Variants in IPO11 observed in about 807,000 individuals in gnomAD.
IPO11 encodes the protein importin 11, also known as importin-11.
Under a neutral mutation model 143.2 loss-of-function variants are expected in IPO11, and 66 were observed. That is an observed-to-expected ratio of 0.46 (90% CI 0.38 to 0.57). The LOEUF (loss-of-function observed/expected upper bound fraction) is 0.57, where lower values mean the gene tolerates loss of function less well. Ranked by LOEUF, IPO11 falls within the 20% of genes least tolerant of loss-of-function variation. The pLI is 0.00. For synonymous variants in IPO11, 385 were observed against 377.8 expected (o/e 1.02, Z -0.22); for missense variants, 1,026 against 1,141.0 (o/e 0.90, Z 1.45).
intron 1 of IPO11, among the ~76,000 whole-genome samples, chr5:62,429,962 T>C (rs970261241): frequency 6.6e-6 from 1 of 152,158 alleles, no homozygotes; most frequent in Non-Finnish European, 1.5e-5. Context: ...TTTCACCATG[T>C]TGGCCAAGCT....
chr5:62,490,535 C>G (rs946234369), intron 15 of IPO11, among the ~76,000 whole-genome samples: 2 of 152,134 alleles, frequency 1.3e-5, no homozygotes, highest in Middle Eastern at 3.4e-3. Context: ...GTAGCCTAAT[C>G]AAAGTAACAT....
chr5:62,497,937 A>T (rs1297675055), intron 16 of IPO11, among the ~76,000 whole-genome samples: 3 of 152,014 alleles, frequency 2.0e-5, no homozygotes, highest in African/African-American at 4.8e-5. Flanking sequence ...TGTCTCTGTC[A>T]TATCCCATGT....
chr5:62,599,643 T>C (rs542823285), intron 28 of IPO11, among the ~76,000 whole-genome samples: 7 of 152,334 alleles, frequency 4.6e-5, no homozygotes, highest in African/African-American at 1.4e-4. Context: ...AAGATTCTTA[T>C]TTAGCAGGCT....
chr5:62,490,176 G>A lies in IPO11; in HGVS notation c.1419G>A (p.Trp473Ter). The A allele has an allele frequency of 6.2e-7, 1 of 1,605,224 alleles. No individual in the cohort carries two copies. Among genetic ancestry groups the A allele is most frequent in the Non-Finnish European group, 8.5e-7 (1 of 1,175,620 alleles). Residue 473 changes from tryptophan to a stop codon, truncating the protein, a stop_gained, in exon 15 of 30, where the codon TGG becomes TGA. Coordinates refer to ENST00000325324, the MANE Select transcript of IPO11 (RefSeq NM_016338.5). LOFTEE classifies it high-confidence loss of function. ...TTGACAGTGTTGATTTTGATCAGTG[G>A]TTTAAAAACCAGCTTCTTCCAGAAT... ...ELFDSVDFDQWFKNQLLPELQ... is the reference protein window; with the variant it reads ...ELFDSVDFDQ
chr5:62,573,313 ACT>A lies in IPO11; in HGVS notation c.2582+12061_2582+12062del, dbSNP rs1310696423. Among the ~76,000 whole-genome samples the A allele has an allele frequency of 1.1e-4, 16 of 152,260 alleles. No homozygotes were observed. The South Asian group carries it at 2.3e-3, about 22-fold the overall frequency. On this transcript the variant is annotated intron_variant, in intron 27 of 29. Transcript: ENST00000325324. ...ATAATACTTGAAGAATGTTGAGAAC[ACT>A]CTCTGAGTCATAGAAGCACTCTATC...
rs537213094 is a variant in IPO11, at chr5:62,607,633, TCCTTA to T, written c.2763+5791_2763+5795del. On this transcript the variant is annotated intron_variant, in intron 29 of 29. Transcript: ENST00000325324. ...TGGCTTCAGAACTGCCCTTTGAGAA[TCCTTA>T]CCTTATAGCATTCAGTAATCAAGAT... 2.0e-5 allele frequency among the ~76,000 whole-genome samples: 3 copies of T among 152,326 alleles called. No homozygotes were observed. In the South Asian group the frequency reaches 6.2e-4, roughly 32 times the overall value.
intron 1 of IPO11, among the ~76,000 whole-genome samples, chr5:62,424,138 C>CTTT (rs11428881): frequency 6.9e-6 from 1 of 144,082 alleles, no homozygotes; most frequent in African/African-American, 2.6e-5. Flanking sequence ...CCCACCTCAG[C>CTTT]TTTTTTTTTT....
At chr5:62,608,052 C>A (rs1413446141) in intron 29 of IPO11, among the ~76,000 whole-genome samples, 1 of 152,148 alleles carries the variant, frequency 6.6e-6, no homozygotes, top group Non-Finnish European at 1.5e-5. Flanking sequence ...CTCCTGACCT[C>A]AAGTGATCCA....
At chr5:62,485,556 T>C (rs2112227821) in intron 12 of IPO11, 94 bp downstream of exon 12, 1 of 1,033,806 alleles carries the variant, frequency 9.7e-7, no homozygotes, top group Non-Finnish European at 1.5e-6. Context: ...ATTCCAGACA[T>C]TTGCTGGGCA....
chr5:62,496,463 G>T (rs2112246834), intron 16 of IPO11, among the ~76,000 whole-genome samples: 2 of 152,188 alleles, frequency 1.3e-5, no homozygotes, highest in South Asian at 4.1e-4. Flanking sequence ...GTTTTATACT[G>T]TAACTATTAT....
intron 5 of IPO11, among the ~76,000 whole-genome samples, chr5:62,464,394 C>G (rs549270754): frequency 3.6e-4 from 55 of 151,956 alleles, no homozygotes; most frequent in African/African-American, 1.3e-3. Context: ...CTGCCTTGGC[C>G]TCCCAAAGTG....
chr5:62,546,900 G>A (rs1327293783), intron 24 of IPO11, among the ~76,000 whole-genome samples: 1 of 152,124 alleles, frequency 6.6e-6, no homozygotes, highest in African/African-American at 2.4e-5. Flanking sequence ...GGTAATTAAA[G>A]TAGCTATCTA....
intron 16 of IPO11, among the ~76,000 whole-genome samples, chr5:62,503,198 T>G (rs1208871929): frequency 6.6e-6 from 1 of 152,014 alleles, no homozygotes; most frequent in Non-Finnish European, 1.5e-5. Flanking sequence ...ACTTGTATAT[T>G]CACTCAGTAC....
Position 62,627,243 on chromosome 5 carries a change from AG to A in IPO11, c.2855del (p.Gly952ValfsTer28). 6.2e-7 allele frequency: 1 copy of A among 1,614,146 alleles called. No individual in the cohort carries two copies. Among genetic ancestry groups the A allele is most frequent in the Non-Finnish European group, 8.5e-7 (1 of 1,180,002 alleles). On this transcript the variant is annotated frameshift_variant, in exon 30 of 30. Coordinates refer to ENST00000325324, the MANE Select transcript of IPO11 (RefSeq NM_016338.5). LOFTEE classifies it high-confidence loss of function. ...KAQQEMLGEQ[G>X]FQSLMETVDT... ...CACAGCAGGAGATGCTAGGAGAACAAGGTTTCCAGTCCCTCATGGAAACAGT... is the reference window on the plus strand; with the variant it reads ...CACAGCAGGAGATGCTAGGAGAACAAGTTTCCAGTCCCTCATGGAAACAGT...
At chr5:62,620,378 GT>G (rs1317913299) in intron 29 of IPO11, among the ~76,000 whole-genome samples, 1 of 152,132 alleles carries the variant, frequency 6.6e-6, no homozygotes, top group African/African-American at 2.4e-5. Flanking sequence ...AGTTAGCCGG[GT>G]GTGGTGGCGG....
intron 26 of IPO11, among the ~76,000 whole-genome samples, chr5:62,559,659 G>A (rs1743700587): frequency 6.6e-6 from 1 of 151,862 alleles, no homozygotes; most frequent in South Asian, 2.1e-4. Context: ...GCTCACGCCT[G>A]TAATCCCAGC....
intron 24 of IPO11, among the ~76,000 whole-genome samples, chr5:62,541,302 C>T (rs903802367): frequency 1.3e-5 from 2 of 150,490 alleles, no homozygotes; most frequent in Non-Finnish European, 2.9e-5. Flanking sequence ...ACCCGGGAGG[C>T]AGAGGTTGTG....
At chr5:62,604,771 A>G (rs1561383847) in intron 29 of IPO11, among the ~76,000 whole-genome samples, 1 of 152,116 alleles carries the variant, frequency 6.6e-6, no homozygotes, top group Non-Finnish European at 1.5e-5. Context: ...TTGGATACCC[A>G]CTGCTCTTAG....
intron 16 of IPO11, among the ~76,000 whole-genome samples, chr5:62,503,861 A>C (rs1741446699): frequency 6.6e-6 from 1 of 152,216 alleles, no homozygotes; most frequent in Admixed American, 6.5e-5. Flanking sequence ...ACTGGAAAGA[A>C]AATAACAGTT....
Sources: gnomAD v4.1 joint callset for allele counts (sites outside exome capture counted in the v4.1 genomes callset) on GRCh38, gnomAD v4.1.1 for gene constraint, MANE v1.5 for transcripts, NCBI Gene and HGNC (gene_info 2026-07-23, HGNC 2026-07-21) for gene names.